The following DCBLD2 variants were observed in gnomAD, a reference collection of about 807,000 sequenced individuals.
DCBLD2 encodes the protein discoidin, CUB and LCCL domain-containing protein 2.
A neutral mutation model predicts 86.8 loss-of-function variants in DCBLD2; 54 were observed. The observed-to-expected ratio is 0.62, with a 90% CI of 0.50 to 0.78. The LOEUF is 0.78. DCBLD2 is among the 30% of genes least tolerant of loss of function. The probability of loss-of-function intolerance (pLI) is 0.00; values close to 1 mark genes in which losing one functional copy is unlikely to be tolerated. For synonymous variants in DCBLD2, 354 were observed against 341.3 expected (o/e 1.04, Z -0.41); for missense variants, 908 against 954.2 (o/e 0.95, Z 0.64).
intron 2 of DCBLD2, among the ~76,000 whole-genome samples, chr3:98,850,378 G>A (rs1942814542): frequency 6.6e-6 from 1 of 152,180 alleles, no homozygotes; most frequent in African/African-American, 2.4e-5. Flanking sequence ...CATGTTTTAA[G>A]AAAGTTTATA....
At chr3:98,881,446 C>T (rs1943468564) in intron 2 of DCBLD2, 94 bp downstream of exon 2, 1 of 1,172,234 alleles carries the variant, frequency 8.5e-7, no homozygotes, top group Non-Finnish European at 1.2e-6. Flanking sequence ...CACATAGCAC[C>T]TTACACTGCA....
chr3:98,801,500 G>T, intron 14 of DCBLD2, 100 bp downstream of exon 14: 1 of 875,046 alleles, frequency 1.1e-6, no homozygotes, highest in Non-Finnish European at 1.8e-6. Context: ...GTGTCGGGGA[G>T]TTCACCTGGG....
At chr3:98,800,550 C>G in intron 15 of DCBLD2, 29 bp downstream of exon 15, 1 of 1,597,762 alleles carries the variant, frequency 6.3e-7, no homozygotes, top group Non-Finnish European at 8.5e-7. Context: ...CTCCCTCTGC[C>G]TGGTACCAGA....
At chr3:98,801,055 C>CT (rs1941709341) in intron 14 of DCBLD2, among the ~76,000 whole-genome samples, 1 of 152,174 alleles carries the variant, frequency 6.6e-6, no homozygotes, top group Admixed American at 6.5e-5. Flanking sequence ...CTTTTCTATC[C>CT]TAGCCACAGC....
rs183113267 is a variant in DCBLD2, at chr3:98,889,693, A to G, written c.206-7926T>C. On this transcript the variant is annotated intron_variant, in intron 1 of 15. Transcript: ENST00000326840. ...CCATCTAATGCAGCTATCATATCCTAACATTGCCTATAAACACCTAGCTTC... is the reference window on the plus strand; with the variant it reads ...CCATCTAATGCAGCTATCATATCCTGACATTGCCTATAAACACCTAGCTTC... Among the ~76,000 whole-genome samples, 273 of 152,144 alleles carry G rather than the reference A, an allele frequency of 1.8e-3. 3 individuals are homozygous for G. The highest frequency in any genetic ancestry group is 3.4e-3 in the Middle Eastern group (1 of 294).
In DCBLD2 at chr3:98,812,428, G is replaced by C; in HGVS notation, c.1267C>G (p.Pro423Ala). Residue 423 changes from proline to alanine, a missense_variant, in exon 10 of 16, where the codon CCA becomes GCA. Pro to Ala is a conservative substitution (Grantham distance 27). Transcript: ENST00000326840. ...ACTCTAATAAAACGTGCAATAATTGGTGGCAAAAAGTTATTACGCACATCC... is the reference window on the plus strand; with the variant it reads ...ACTCTAATAAAACGTGCAATAATTGCTGGCAAAAAGTTATTACGCACATCC... ...HQDVRNNFLP[P>A]IIARFIRVNP... 6.2e-7 allele frequency: 1 copy of C among 1,613,280 alleles called. No homozygotes were observed.
At chr3:98,800,848 T>C (rs1576151920) in intron 14 of DCBLD2, 132 bp from the exon 15 acceptor site, 2 of 1,178,478 alleles carry the variant, frequency 1.7e-6, no homozygotes, top group Non-Finnish European at 2.3e-6. Flanking sequence ...GCCTTTATAA[T>C]CCAACTTTTT....
rs1943842541 is a variant in DCBLD2, at chr3:98,901,192, G to A, written c.135C>T (p.Phe45=). Residue 45 remains phenylalanine (F), a synonymous_variant, in exon 1 of 16, where the codon TTC becomes TTT. Coordinates refer to ENST00000326840, the MANE Select transcript of DCBLD2 (RefSeq NM_080927.4). The part of the protein sequence containing the change: ...SLPPCSNSSS[F]SMPLFLLLLL... Reference sequence around the variant, plus strand: ...AGAGCAGGAGGAACAGAGGCATGGAGAAGGAGGAGGAGTTGGAGCAGGGAG... The same window carrying A: ...AGAGCAGGAGGAACAGAGGCATGGAAAAGGAGGAGGAGTTGGAGCAGGGAG... 4 of 1,536,960 alleles carry A rather than the reference G, an allele frequency of 2.6e-6. No homozygotes were observed. The highest frequency in any genetic ancestry group is 3.9e-5 in the Admixed American group (2 of 50,998).
chr3:98,817,958 A>C lies in DCBLD2; in HGVS notation c.1088-65T>G, dbSNP rs1942054517. 4.4e-6 allele frequency: 7 copies of C among 1,580,842 alleles called. No homozygotes were observed. The Admixed American group carries it at 8.6e-5, about 19-fold the overall frequency. ...TGATTCCCTAAGTTTGTTCAGCATCAAAGTATAAACACTTGAAATGCACAG... is the reference window on the plus strand; with the variant it reads ...TGATTCCCTAAGTTTGTTCAGCATCCAAGTATAAACACTTGAAATGCACAG... On this transcript the variant is annotated intron_variant, in intron 8 of 15. Coordinates refer to ENST00000326840, the MANE Select transcript of DCBLD2 (RefSeq NM_080927.4).
chr3:98,851,321 T>C (rs1408151685), intron 2 of DCBLD2, among the ~76,000 whole-genome samples: 1 of 152,126 alleles, frequency 6.6e-6, no homozygotes, highest in Non-Finnish European at 1.5e-5. Context: ...AGCCAAATCA[T>C]GAGAGAACTC....
chr3:98,889,214 A>G (rs1176197791), intron 1 of DCBLD2, among the ~76,000 whole-genome samples: 1 of 152,024 alleles, frequency 6.6e-6, no homozygotes, highest in Non-Finnish European at 1.5e-5. Flanking sequence ...ATAGAAAGAG[A>G]AAAAACTCAC....
chr3:98,862,016 C>T (rs544011868), intron 2 of DCBLD2, among the ~76,000 whole-genome samples: 27 of 151,858 alleles, frequency 1.8e-4, no homozygotes, highest in East Asian at 1.7e-3. Flanking sequence ...ATCAAATAGA[C>T]GCAATAAAAA....
At chr3:98,825,641 A>ATT (rs1491090831) in intron 3 of DCBLD2, among the ~76,000 whole-genome samples, 1 of 68,388 alleles carries the variant, frequency 1.5e-5, no homozygotes, top group East Asian at 3.6e-4. Flanking sequence ...GTATATGTGT[A>ATT]TTTATATATA....
chr3:98,868,027 T>C (rs2107507924), intron 2 of DCBLD2, among the ~76,000 whole-genome samples: 1 of 152,126 alleles, frequency 6.6e-6, no homozygotes, highest in East Asian at 1.9e-4. Context: ...ATGGTCTCGA[T>C]CTCCTGACCT....
rs1941600551 is a variant in DCBLD2, at chr3:98,796,500, T to G, written c.*2872A>C. ...TAAGCTTTGTCACCTTCCACAGCTTTGTGGCCACATTCATATTTAGATAAG... is the reference window on the plus strand; with the variant it reads ...TAAGCTTTGTCACCTTCCACAGCTTGGTGGCCACATTCATATTTAGATAAG... On this transcript the variant is annotated 3_prime_UTR_variant, in exon 16 of 16. Transcript: ENST00000326840. 1 of 152,676 alleles carries G rather than the reference T, an allele frequency of 6.5e-6. No homozygotes were observed. Among genetic ancestry groups the G allele is most frequent in the Admixed American group, 6.5e-5 (1 of 15,284 alleles). 9.5% of individuals were successfully genotyped at this position (152,676 alleles called of 1,614,324 possible).
At chr3:98,895,113 T>A (rs993363813) in intron 1 of DCBLD2, 1 of 152,198 alleles carries the variant, frequency 6.6e-6, no homozygotes, top group Admixed American at 6.5e-5. Context: ...TGAAATTATA[T>A]CTTAGAAGAA....
At chr3:98,827,624 A>G (rs1003250113) in intron 3 of DCBLD2, among the ~76,000 whole-genome samples, 1 of 152,266 alleles carries the variant, frequency 6.6e-6, no homozygotes, top group Non-Finnish European at 1.5e-5. Flanking sequence ...ATGGACAGCT[A>G]CAAGGAGAGC....
rs1942790560 is a variant in DCBLD2 at position 98,849,426 on chromosome 3, A to G, written c.571+35T>C. ...TTTTATTTTTGTTGTTAGAAATTAC[A>G]AACTGTAGGAACCATTGCAAAAGGT... On this transcript the variant is annotated intron_variant, in intron 3 of 15. Transcript: ENST00000326840. The G allele has an allele frequency of 1.9e-6, 3 of 1,611,978 alleles. No homozygotes were observed. The African/African-American group carries it at 4.0e-5, about 22-fold the overall frequency.
chr3:98,866,958 T>C (rs1036695160), intron 2 of DCBLD2, among the ~76,000 whole-genome samples: 1 of 152,254 alleles, frequency 6.6e-6, no homozygotes, highest in Non-Finnish European at 1.5e-5. Context: ...ATTTATTAAA[T>C]AGGGAATCCT....
Sources: gnomAD v4.1 joint callset for allele counts (sites outside exome capture counted in the v4.1 genomes callset) on GRCh38, gnomAD v4.1.1 for gene constraint, MANE v1.5 for transcripts, NCBI Gene and HGNC (gene_info 2026-07-23, HGNC 2026-07-21) for gene names.